Variants in PLXDC2 observed in about 807,000 individuals in gnomAD.
PLXDC2 encodes the protein plexin domain-containing protein 2.
Under a neutral mutation model 68.9 loss-of-function variants are expected in PLXDC2, and 40 were observed. The observed-to-expected ratio is 0.58, with a 90% CI of 0.45 to 0.76. The LOEUF (loss-of-function observed/expected upper bound fraction) is 0.76, where lower values mean the gene tolerates loss of function less well. PLXDC2 is among the 30% of genes least tolerant of loss of function. PLXDC2 has a pLI of 0.00. For synonymous variants in PLXDC2, 243 were observed against 234.2 expected, an observed-to-expected ratio of 1.04 and a Z score of -0.34; for missense variants, 644 against 661.9, an observed-to-expected ratio of 0.97 and a Z score of 0.30.
chr10:20,254,326 A>G (rs1835715799), intron 13 of PLXDC2, among the ~76,000 whole-genome samples: 1 of 152,198 alleles, frequency 6.6e-6, no homozygotes, highest in Non-Finnish European at 1.5e-5. Context: ...GGAAGAAAAA[A>G]GCATTTGCTA....
At chr10:20,034,204 G>A (rs1309064713) in intron 2 of PLXDC2, among the ~76,000 whole-genome samples, 1 of 152,106 alleles carries the variant, frequency 6.6e-6, no homozygotes, top group Non-Finnish European at 1.5e-5. Context: ...TTTTTAAAAT[G>A]CAATCCCAGA....
At chr10:19,916,982 GTAT>G (rs991867679) in intron 1 of PLXDC2, among the ~76,000 whole-genome samples, 16 of 152,182 alleles carry the variant, frequency 1.1e-4, no homozygotes. Flanking sequence ...AATAATGAAA[GTAT>G]TATGAAAAGA....
intron 13 of PLXDC2, among the ~76,000 whole-genome samples, chr10:20,249,123 C>G (rs184946787): frequency 1.1e-4 from 17 of 152,164 alleles, no homozygotes; most frequent in Admixed American, 3.9e-4. Flanking sequence ...TTTTAAAGAA[C>G]ATTTTTCTGT....
intron 4 of PLXDC2, among the ~76,000 whole-genome samples, chr10:20,078,392 A>T (rs1429075841): frequency 6.6e-6 from 1 of 152,204 alleles, no homozygotes; most frequent in African/African-American, 2.4e-5. Flanking sequence ...CTAAAAAAAT[A>T]GAATAAAATC....
intron 1 of PLXDC2, among the ~76,000 whole-genome samples, chr10:19,856,055 A>T (rs1254844845): frequency 2.0e-5 from 3 of 152,180 alleles, no homozygotes; most frequent in Non-Finnish European, 2.9e-5. Flanking sequence ...AGATCGTGCC[A>T]CTGCACTCCA....
At chr10:20,069,745 C>A (rs191341263) in intron 4 of PLXDC2, among the ~76,000 whole-genome samples, 369 of 152,294 alleles carry the variant, frequency 2.4e-3, no homozygotes, top group Non-Finnish European at 4.4e-3. Flanking sequence ...GCAGGAGGAT[C>A]ACTTGAGGCC....
At chr10:19,836,129 A>G (rs1039987799) in intron 1 of PLXDC2, among the ~76,000 whole-genome samples, 8 of 152,030 alleles carry the variant, frequency 5.3e-5, no homozygotes, top group Non-Finnish European at 7.4e-5. Context: ...GTGAGCCAAG[A>G]TTGGTCCACC....
intron 3 of PLXDC2, among the ~76,000 whole-genome samples, chr10:20,067,548 A>T (rs576925256): frequency 5.9e-5 from 9 of 152,174 alleles, no homozygotes; most frequent in African/African-American, 2.2e-4. Flanking sequence ...TTAGTCTGGC[A>T]TGGTGGCTGG....
chr10:19,861,827 A>G (rs182565849), intron 1 of PLXDC2, among the ~76,000 whole-genome samples: 6 of 152,248 alleles, frequency 3.9e-5, no homozygotes, highest in East Asian at 1.9e-4. Context: ...TAATATCTCC[A>G]TTGGACTCTG....
intron 9 of PLXDC2, among the ~76,000 whole-genome samples, chr10:20,189,701 A>G (rs1235611360): frequency 6.6e-6 from 1 of 151,064 alleles, no homozygotes; most frequent in Non-Finnish European, 1.5e-5. Context: ...TACTTGACTT[A>G]CTAGATGTGG....
Position 20,285,223 on chromosome 10 carries a change from A to G in PLXDC2, c.*5404A>G, listed in dbSNP as rs1357373268. 1 of 151,860 alleles carries G rather than the reference A, an allele frequency of 6.6e-6. No individual in the cohort carries two copies. The highest frequency in any genetic ancestry group is 1.5e-5 in the Non-Finnish European group (1 of 68,010). The allele number at this position is 151,860 out of a possible 1,614,324, so 9.4% of individuals were successfully genotyped here. On this transcript the variant is annotated 3_prime_UTR_variant, in exon 14 of 14. Coordinates refer to ENST00000377252, the MANE Select transcript of PLXDC2 (RefSeq NM_032812.9). ...GTGTTACCTTTTATATACTCCTATT[A>G]CCTTATGTTTGTGAAGCATTTTACA...
At chr10:20,101,295 A>G (rs915911459) in intron 4 of PLXDC2, among the ~76,000 whole-genome samples, 3 of 152,182 alleles carry the variant, frequency 2.0e-5, no homozygotes, top group African/African-American at 7.2e-5. Context: ...TTCTGAGTGA[A>G]GAAAGGAGAA....
intron 1 of PLXDC2, among the ~76,000 whole-genome samples, chr10:19,880,584 C>T (rs1407051571): frequency 6.6e-6 from 1 of 152,108 alleles, no homozygotes; most frequent in Non-Finnish European, 1.5e-5. Context: ...GAAAGCAAAA[C>T]TCGAGATAAA....
intron 12 of PLXDC2, among the ~76,000 whole-genome samples, chr10:20,222,937 G>A (rs1408854091): frequency 6.6e-6 from 1 of 152,110 alleles, no homozygotes; most frequent in East Asian, 1.9e-4. Context: ...GTAATACGTA[G>A]GTATAATCAG....
At chr10:19,877,411 A>G (rs996760122) in intron 1 of PLXDC2, among the ~76,000 whole-genome samples, 3 of 152,316 alleles carry the variant, frequency 2.0e-5, no homozygotes, top group East Asian at 1.9e-4. Flanking sequence ...GGGTAATACA[A>G]TTCTTAGTTG....
chr10:20,193,789 G>T (rs535355388), intron 9 of PLXDC2, among the ~76,000 whole-genome samples: 2 of 152,018 alleles, frequency 1.3e-5, no homozygotes, highest in Admixed American at 6.6e-5. Flanking sequence ...CTTAAAATTC[G>T]TTTTTTTGTG....
chr10:20,217,824 A>G (rs560898734), intron 11 of PLXDC2, among the ~76,000 whole-genome samples: 3 of 152,064 alleles, frequency 2.0e-5, no homozygotes, highest in South Asian at 2.1e-4. Context: ...AGCTTTTACC[A>G]TTGATTCTGG....
intron 6 of PLXDC2, among the ~76,000 whole-genome samples, chr10:20,157,933 G>A (rs1010998301): frequency 1.3e-5 from 2 of 152,136 alleles, no homozygotes; most frequent in African/African-American, 4.8e-5. Context: ...TGGAGAGAAT[G>A]TAATTGTAAA....
At chr10:20,207,393 A>C (rs1385637160) in intron 9 of PLXDC2, among the ~76,000 whole-genome samples, 1 of 152,204 alleles carries the variant, frequency 6.6e-6, no homozygotes, top group African/African-American at 2.4e-5. Context: ...GTTGATATGC[A>C]AATTTAAGAT....
Sources: gnomAD v4.1 joint callset for allele counts (sites outside exome capture counted in the v4.1 genomes callset) on GRCh38, gnomAD v4.1.1 for gene constraint, MANE v1.5 for transcripts, NCBI Gene and HGNC (gene_info 2026-07-23, HGNC 2026-07-21) for gene names.